Variants in LRRC74B observed in about 807,000 individuals in gnomAD.
The protein encoded by LRRC74B is leucine rich repeat containing 74B.
Under a neutral mutation model 16.6 loss-of-function variants are expected in LRRC74B, and 30 were observed. The observed-to-expected ratio is 1.80, with a 90% CI of 1.35 to 2.45. The LOEUF (loss-of-function observed/expected upper bound fraction) is 2.45. Ranked by LOEUF, LRRC74B falls within the 30% of genes most tolerant of loss-of-function variation. The pLI is 0.00. For missense variants in LRRC74B, 326 were observed against 202.4 expected (o/e 1.61, Z -3.71); for synonymous variants, 134 against 86.0 (o/e 1.56, Z -3.09).
chr22:21,054,950 GTCCAGGGT>G, intron 6 of LRRC74B, 140 bp from the exon 7 acceptor site: 1 of 630,142 alleles, frequency 1.6e-6, no homozygotes, highest in South Asian at 1.8e-5. Context: ...CTGTTGATCT[GTCCAGGGT>G]TCCTGGGGTG....
At position 21,052,522 on chromosome 22, in the gene LRRC74B, A is replaced by C. The variant is rs11705684; in HGVS notation, c.732+164A>C. Among the ~76,000 whole-genome samples, 1,310 of 152,344 alleles carry C rather than the reference A, an allele frequency of 8.6e-3. 13 individuals are homozygous for C. The highest frequency in any genetic ancestry group is 0.017 in the Middle Eastern group (5 of 294). On this transcript the variant is annotated intron_variant, in intron 5 of 8. Transcript: ENST00000442047. ...GATTTTAATTTTCCTGGCTTCACTTAGTGACCACAATACACTGTGCTCACC... is the reference window on the plus strand; with the variant it reads ...GATTTTAATTTTCCTGGCTTCACTTCGTGACCACAATACACTGTGCTCACC...
chr22:21,047,123 A>G (rs897834835), intron 1 of LRRC74B, among the ~76,000 whole-genome samples: 13 of 151,702 alleles, frequency 8.6e-5, no homozygotes, highest in African/African-American at 3.1e-4. Context: ...TTGTCTAGCT[A>G]TGTTGCCCAG....
chr22:21,058,046 C>T lies in LRRC74B; in HGVS notation c.1023+846C>T, dbSNP rs572541913. ...GATTACAGATGTGTGCCACCACGCC[C>T]GGCTGATTTTTTTTTTTTTTTTGGT... On this transcript the variant is annotated intron_variant, in intron 8 of 8. Transcript: ENST00000442047. Among the ~76,000 whole-genome samples the T allele has an allele frequency of 1.2e-4, 18 of 146,948 alleles. No individual in the cohort carries two copies. The South Asian group carries it at 2.7e-3, about 22-fold the overall frequency.
chr22:21,058,525 G>T (rs999008625), intron 8 of LRRC74B, among the ~76,000 whole-genome samples: 2 of 152,088 alleles, frequency 1.3e-5, no homozygotes, highest in African/African-American at 4.8e-5. Context: ...AAAAAAAAGG[G>T]AAGGAAACAA....
At chr22:21,052,180 G>A (rs557440330) in intron 4 of LRRC74B, 69 bp from the exon 5 acceptor site, 4 of 709,224 alleles carry the variant, frequency 5.6e-6, no homozygotes, top group South Asian at 4.5e-5. Context: ...GGCACGCAGT[G>A]GGCATCAGTG....
chr22:21,046,693 C>T (rs2148129996), intron 1 of LRRC74B, among the ~76,000 whole-genome samples: 1 of 152,064 alleles, frequency 6.6e-6, no homozygotes, highest in African/African-American at 2.4e-5. Context: ...AGTGCAGTGG[C>T]AGGATAATAG....
chr22:21,060,411 C>G, exon 9 of LRRC74B: 1 of 717,054 alleles, frequency 1.4e-6, no homozygotes, highest in South Asian at 1.5e-5. Context: ...GCCTTGCTAG[C>G]TCAGTGAGGG....
At chr22:21,054,628 G>C (rs8141255) in intron 6 of LRRC74B, among the ~76,000 whole-genome samples, 2 of 152,234 alleles carry the variant, frequency 1.3e-5, no homozygotes, top group Non-Finnish European at 2.9e-5. Flanking sequence ...GGCTGAATAC[G>C]GAGGTGCAGC....
At chr22:21,053,549 G>A (rs1569199002) in intron 6 of LRRC74B, 74 bp downstream of exon 6, 8 of 673,492 alleles carry the variant, frequency 1.2e-5, no homozygotes, top group South Asian at 6.6e-5. Flanking sequence ...CAGTCTACCC[G>A]TGATGGGGAT....
exon 2 of LRRC74B, chr22:21,047,414 C>A (rs1209722487): frequency 2.8e-6 from 2 of 717,368 alleles, no homozygotes; most frequent in African/African-American, 3.5e-5. Context: ...CTTGCCGGGC[C>A]CATAGTGTTG....
intron 5 of LRRC74B, among the ~76,000 whole-genome samples, chr22:21,052,781 C>G (rs1427623827): frequency 1.3e-5 from 2 of 152,184 alleles, no homozygotes; most frequent in Admixed American, 1.3e-4. Flanking sequence ...ATGGGTGGCT[C>G]AAGCTGGTGC....
chr22:21,057,306 CAGTTACACAGCGTGGCAGA>C, intron 8 of LRRC74B, 106 bp downstream of exon 8: 1 of 653,876 alleles, frequency 1.5e-6, no homozygotes, highest in Non-Finnish European at 2.8e-6. Flanking sequence ...GAGCCCTGCC[CAGTTACACAGCGTGGCAGA>C]AGCAGAGTTG....
rs141912955 is a variant in LRRC74B at position 21,050,421 on chromosome 22, C to G, written c.622+1264C>G. On this transcript the variant is annotated intron_variant, in intron 4 of 8. Transcript: ENST00000442047. ...CAGCCTTGGCCTGTGAGAATTGCCT[C>G]TGGCATATAACTGCCAGAGAACCAG... Among the ~76,000 whole-genome samples, 348 of 152,214 alleles carry G rather than the reference C, an allele frequency of 2.3e-3. 3 individuals are homozygous for G. The highest frequency in any genetic ancestry group is 0.014 in the Middle Eastern group (4 of 292).
chr22:21,056,725 G>C (rs190874731), intron 7 of LRRC74B: 1 of 222,174 alleles, frequency 4.5e-6, no homozygotes, highest in African/African-American at 2.3e-5. Context: ...GGGAAGCTCC[G>C]CTGAGCCCTG....
chr22:21,050,335 G>A (rs1008832020), intron 4 of LRRC74B, among the ~76,000 whole-genome samples: 7 of 151,618 alleles, frequency 4.6e-5, no homozygotes, highest in African/African-American at 1.7e-4. Flanking sequence ...GCGCCTGGCC[G>A]AGAATTGTTT....
In LRRC74B at chr22:21,055,081, T is replaced by C; in HGVS notation, c.849-17T>C. On this transcript the variant is annotated splice_polypyrimidine_tract_variant and intron_variant, in intron 6 of 8. Transcript: ENST00000442047. Reference sequence around the variant, plus strand: ...TGGAAGGTTGCACAATGCATGTGCCTGTTGTTTTTGTTGCAGTAACAACCG... The same window carrying C: ...TGGAAGGTTGCACAATGCATGTGCCCGTTGTTTTTGTTGCAGTAACAACCG... The C allele has an allele frequency of 1.4e-6, 1 of 716,614 alleles. No homozygotes were observed. The highest frequency in any genetic ancestry group is 2.6e-6 in the Non-Finnish European group (1 of 384,998). The allele number at this position is 716,614 out of a possible 1,614,324, so 44.4% of individuals were successfully genotyped here. A position where few individuals can be genotyped will look rare whatever the true frequency, so the allele number is the denominator to read the frequency against.
downstream of LRRC74B, chr22:21,062,693 A>T (rs1213404736): frequency 7.1e-6 from 1 of 141,476 alleles, no homozygotes; most frequent in African/African-American, 2.6e-5. Context: ...AGTCTGGGTG[A>T]CAGAGCAAGA....
At chr22:21,056,903 G>C (rs965817210) in intron 7 of LRRC74B, 3 of 577,002 alleles carry the variant, frequency 5.2e-6, no homozygotes, top group African/African-American at 3.8e-5. Flanking sequence ...TCAATCGGAG[G>C]CCTCTCCCTT....
intron 2 of LRRC74B, among the ~76,000 whole-genome samples, 181 bp from the exon 3 acceptor site, chr22:21,047,703 C>T (rs1411853921): frequency 7.9e-5 from 12 of 151,964 alleles, no homozygotes; most frequent in East Asian, 1.9e-4. Flanking sequence ...GCTCCTAACC[C>T]GCTGGGGGGT....
Sources: gnomAD v4.1 joint callset for allele counts (sites outside exome capture counted in the v4.1 genomes callset) on GRCh38, gnomAD v4.1.1 for gene constraint, MANE v1.5 for transcripts, NCBI Gene and HGNC (gene_info 2026-07-23, HGNC 2026-07-21) for gene names.